Variants in RABEP1 observed in about 807,000 individuals in gnomAD.
RABEP1 encodes the protein rabaptin, RAB GTPase binding effector protein 1, also known as rab GTPase-binding effector protein 1.
RABEP1 carries 51 observed loss-of-function variants against 123.4 expected under a neutral mutation model. The observed-to-expected ratio is 0.41, with a 90% confidence interval of 0.33 to 0.52. The LOEUF (loss-of-function observed/expected upper bound fraction) is 0.52. RABEP1 is among the 20% of genes least tolerant of loss of function. The probability of loss-of-function intolerance (pLI) is 0.16; values close to 1 mark genes in which losing one functional copy is unlikely to be tolerated. For missense variants in RABEP1, 888 were observed against 996.3 expected, an observed-to-expected ratio of 0.89 and a Z score of 1.46; for synonymous variants, 347 against 355.2, an observed-to-expected ratio of 0.98 and a Z score of 0.26.
intron 2 of RABEP1, among the ~76,000 whole-genome samples, chr17:5,331,320 G>A (rs148456183): frequency 6.6e-6 from 1 of 152,080 alleles, no homozygotes; most frequent in Non-Finnish European, 1.5e-5. Context: ...AATAGTGACT[G>A]TTGTTAAGGG....
At chr17:5,306,854 C>T (rs2075183902) in intron 1 of RABEP1, among the ~76,000 whole-genome samples, 1 of 152,070 alleles carries the variant, frequency 6.6e-6, no homozygotes, top group Admixed American at 6.6e-5. Context: ...TTGTATATCT[C>T]ATGTAATTTA....
At chr17:5,343,755 AC>A (rs752578622) in intron 5 of RABEP1, among the ~76,000 whole-genome samples, 89 of 130,690 alleles carry the variant, frequency 6.8e-4, no homozygotes, top group Admixed American at 2.8e-3. Context: ...GGCTCACTGC[AC>A]CCTCCACCTC....
At position 5,386,203 on chromosome 17, in the gene RABEP1, G is replaced by A; in HGVS notation, c.*2980G>A. On this transcript the variant is annotated 3_prime_UTR_variant, in exon 18 of 18. Transcript: ENST00000537505. ...TTCAGGTGTGAGTCAGCTCCTGGTG[G>A]TGTCAGAAGTTTACATGATTGCGGA... 1.2e-6 allele frequency: 2 copies of A among 1,611,538 alleles called. No individual in the cohort carries two copies. The highest frequency in any genetic ancestry group is 1.7e-6 in the Non-Finnish European group (2 of 1,178,304).
chr17:5,336,503 AC>A (rs1217183158), intron 4 of RABEP1: 1 of 473,276 alleles, frequency 2.1e-6, no homozygotes, highest in Non-Finnish European at 4.2e-6. Context: ...CATCCAGGAT[AC>A]CATATTGCAT....
rs772404465 is a variant in RABEP1, at chr17:5,363,010, A to G, written c.1662A>G (p.Arg554=). The G allele has an allele frequency of 1.2e-6, 2 of 1,609,374 alleles. No homozygotes were observed. The highest frequency in any genetic ancestry group is 2.2e-5 in the South Asian group (2 of 90,992). ...TTCAGATTCAGGAGGCTGAAACGAG[A>G]GACCAGGTGAGTTTCTTCTGGATGC... ...QGIQIQEAET[R]DQVKKLQLML... The change falls in exon 10 of 18, where the codon AGA becomes AGG. Residue 554 remains arginine (R), a synonymous_variant. Transcript: ENST00000537505.
intron 2 of RABEP1, among the ~76,000 whole-genome samples, chr17:5,330,502 T>G (rs1906427341): frequency 1.3e-5 from 2 of 152,318 alleles, no homozygotes; most frequent in Non-Finnish European, 2.9e-5. Context: ...TAGTTAGAAA[T>G]TTATGCAAGA....
chr17:5,322,938 T>A (rs575215052), intron 2 of RABEP1, among the ~76,000 whole-genome samples: 103 of 152,244 alleles, frequency 6.8e-4, no homozygotes, highest in African/African-American at 2.5e-3. Flanking sequence ...TAGCCGGGCA[T>A]GGTGGTGCAC....
At chr17:5,368,329 C>G in intron 11 of RABEP1, 41 bp from the exon 12 acceptor site, 2 of 1,358,374 alleles carry the variant, frequency 1.5e-6, no homozygotes, top group Non-Finnish European at 2.1e-6. Context: ...TCAGAATAAC[C>G]GATTTCCTAA....
intron 12 of RABEP1, among the ~76,000 whole-genome samples, chr17:5,373,076 G>A (rs1910650324): frequency 6.6e-6 from 1 of 152,144 alleles, no homozygotes; most frequent in African/African-American, 2.4e-5. Context: ...GAATTTTTAA[G>A]CGGTTTGTAG....
intron 1 of RABEP1, 88 bp from the exon 2 acceptor site, chr17:5,308,606 A>G: frequency 8.3e-6 from 10 of 1,207,526 alleles, no homozygotes; most frequent in Non-Finnish European, 1.1e-5. Context: ...TTTCACGTAT[A>G]GCAATGTACA....
intron 8 of RABEP1, 69 bp downstream of exon 8, chr17:5,354,559 G>T (rs1908855700): frequency 1.6e-5 from 22 of 1,415,086 alleles, no homozygotes; most frequent in Non-Finnish European, 2.1e-5. Context: ...TCATACATCA[G>T]TTAATTACAT....
At chr17:5,287,599 A>C (rs1460814634) in intron 1 of RABEP1, among the ~76,000 whole-genome samples, 7 of 1,526 alleles carry the variant, frequency 4.6e-3, no homozygotes, top group Non-Finnish European at 0.011. Context: ...ACTCTGTCGC[A>C]AAAAAAAAAA....
At chr17:5,296,323 G>T (rs1367269174) in intron 1 of RABEP1, among the ~76,000 whole-genome samples, 1 of 152,122 alleles carries the variant, frequency 6.6e-6, no homozygotes, top group Non-Finnish European at 1.5e-5. Context: ...GAGTGCAATG[G>T]TGCTATCTCA....
In RABEP1 at chr17:5,334,523, C is replaced by G. The variant is rs1385223285; in HGVS notation, c.368-661C>G. On this transcript the variant is annotated intron_variant, in intron 3 of 17. Transcript: ENST00000537505. ...CTGGGATTACAGGCATGAGCCACCA[C>G]ACCCGGCAATTTTTCTATCTTTGGT... Among the ~76,000 whole-genome samples the G allele has an allele frequency of 2.0e-5, 3 of 152,172 alleles. No homozygotes were observed. The East Asian group carries it at 5.8e-4, about 29-fold the overall frequency.
intron 9 of RABEP1, 123 bp downstream of exon 9, chr17:5,361,798 T>C: frequency 2.5e-6 from 2 of 797,142 alleles, no homozygotes; most frequent in Non-Finnish European, 2.0e-6. Context: ...TGCCAGCAAG[T>C]GGATATTAAC....
intron 2 of RABEP1, among the ~76,000 whole-genome samples, chr17:5,319,513 C>T (rs1229868589): frequency 6.6e-6 from 1 of 151,636 alleles, no homozygotes; most frequent in Admixed American, 6.6e-5. Flanking sequence ...ATTACAGGCG[C>T]CCGCCACCAC....
intron 2 of RABEP1, among the ~76,000 whole-genome samples, chr17:5,329,039 T>TTTG (rs61002758): frequency 7.2e-6 from 1 of 139,040 alleles, no homozygotes; most frequent in Non-Finnish European, 1.6e-5. Context: ...TTTTTTTTTT[T>TTTG]GTCAATTGGA....
intron 2 of RABEP1, among the ~76,000 whole-genome samples, chr17:5,320,462 G>A (rs2075344539): frequency 7.0e-6 from 1 of 141,994 alleles, no homozygotes. Context: ...AAACACACTG[G>A]TAAAATTAAG....
Position 5,332,079 on chromosome 17 carries a change from C to T in RABEP1, c.294C>T (p.Thr98=), listed in dbSNP as rs754694223. 7 of 1,613,916 alleles carry T rather than the reference C, an allele frequency of 4.3e-6. No individual in the cohort carries two copies. The African/African-American group carries it at 5.3e-5, about 12-fold the overall frequency. Residue 98 remains threonine, a synonymous_variant, in exon 3 of 18, where the codon ACC becomes ACT. Transcript: ENST00000537505. ...CGATTGCCACAGTCTCTGAGAACACCAAGCAAGAAGCTATAGATGAAGTGA... is the reference window on the plus strand; with the variant it reads ...CGATTGCCACAGTCTCTGAGAACACTAAGCAAGAAGCTATAGATGAAGTGA... ...IKAIATVSEN[T]KQEAIDEVKR...
Sources: gnomAD v4.1 joint callset for allele counts (sites outside exome capture counted in the v4.1 genomes callset) on GRCh38, gnomAD v4.1.1 for gene constraint, MANE v1.5 for transcripts, NCBI Gene and HGNC (gene_info 2026-07-23, HGNC 2026-07-21) for gene names.